MCTP1: variants seen among roughly 807,000 people sequenced by gnomAD.
MCTP1 encodes the protein multiple C2 and transmembrane domain-containing protein 1.
In MCTP1, 69 loss-of-function variants were observed where a neutral mutation model predicts 120.6. The ratio of observed to expected loss-of-function variants is 0.57; its 90% confidence interval spans 0.47 to 0.70. The LOEUF is 0.70. Among genes scored for constraint, MCTP1 ranks in the 30% least tolerant of loss-of-function variants. The pLI is 0.00. For synonymous variants in MCTP1, 529 were observed against 493.1 expected (o/e 1.07, Z -0.96); for missense variants, 1,203 against 1,248.8 (o/e 0.96, Z 0.55).
intron 19 of MCTP1, among the ~76,000 whole-genome samples, 163 bp from the exon 20 acceptor site, chr5:94,715,049 AAG>A (rs758806581): frequency 7.9e-5 from 12 of 152,116 alleles, no homozygotes; most frequent in Non-Finnish European, 1.6e-4. Flanking sequence ...GATTTAAAGG[AAG>A]ATGAGGAGGA....
chr5:94,971,379 G>A (rs1324491790), intron 2 of MCTP1, among the ~76,000 whole-genome samples: 1 of 151,644 alleles, frequency 6.6e-6, no homozygotes, highest in Non-Finnish European at 1.5e-5. Flanking sequence ...AAAAAAATGG[G>A]GCAGAGCATC....
intron 1 of MCTP1, among the ~76,000 whole-genome samples, chr5:95,188,864 T>C (rs1749524514): frequency 6.6e-6 from 1 of 152,136 alleles, no homozygotes; most frequent in African/African-American, 2.4e-5. Flanking sequence ...CATCAGTAGA[T>C]GATAACAATG....
chr5:94,791,596 T>C (rs905192208), intron 18 of MCTP1, among the ~76,000 whole-genome samples: 2 of 152,172 alleles, frequency 1.3e-5, no homozygotes, highest in Non-Finnish European at 1.5e-5. Flanking sequence ...TTTCCAGATA[T>C]GTTGCAGAAT....
At chr5:95,205,814 C>G (rs1751557392) in intron 1 of MCTP1, among the ~76,000 whole-genome samples, 1 of 152,078 alleles carries the variant, frequency 6.6e-6, no homozygotes, top group Non-Finnish European at 1.5e-5. Context: ...TAGGGAAATG[C>G]AAATCAAGAC....
chr5:95,018,185 C>T (rs985380280), intron 1 of MCTP1, among the ~76,000 whole-genome samples: 1 of 151,912 alleles, frequency 6.6e-6, no homozygotes, highest in African/African-American at 2.4e-5. Context: ...CATCGAATTA[C>T]AAGAGGAATA....
chr5:94,738,635 C>T (rs556812049), intron 19 of MCTP1, among the ~76,000 whole-genome samples: 2 of 152,288 alleles, frequency 1.3e-5, no homozygotes, highest in South Asian at 4.1e-4. Context: ...GTTGATTCAT[C>T]TCTCCCTGTT....
intron 1 of MCTP1, among the ~76,000 whole-genome samples, chr5:95,187,874 T>G (rs981671789): frequency 6.6e-6 from 1 of 152,166 alleles, no homozygotes; most frequent in Non-Finnish European, 1.5e-5. Context: ...AAGAGTATAA[T>G]TGGATTGCTT....
chr5:94,938,966 G>A (rs776040251), intron 5 of MCTP1, among the ~76,000 whole-genome samples: 1 of 152,058 alleles, frequency 6.6e-6, no homozygotes, highest in Admixed American at 6.6e-5. Context: ...ACCAAGCTAA[G>A]TTCTCACACT....
chr5:95,011,901 G>A (rs1335526826), intron 2 of MCTP1, among the ~76,000 whole-genome samples: 1 of 152,052 alleles, frequency 6.6e-6, no homozygotes, highest in Non-Finnish European at 1.5e-5. Flanking sequence ...TGCCATCAAT[G>A]TTTGGGCACT....
intron 1 of MCTP1, among the ~76,000 whole-genome samples, chr5:95,211,913 G>A (rs1582546605): frequency 6.6e-6 from 1 of 152,196 alleles, no homozygotes; most frequent in East Asian, 1.9e-4. Flanking sequence ...CTCAGCTGCA[G>A]GTCTGTTGGA....
Position 94,931,848 on chromosome 5 carries a change from G to C in MCTP1, c.1212+105C>G, listed in dbSNP as rs1013337877. On this transcript the variant is annotated intron_variant, in intron 6 of 22. Transcript: ENST00000515393. ...TATGGGGAAAAGTAACAATTGAATA[G>C]TATGAAATCTGGTAGCATACTTTGA... The C allele has an allele frequency of 3.8e-5, 33 of 858,594 alleles. No individual in the cohort carries two copies. The Admixed American group carries it at 7.3e-4, about 19-fold the overall frequency. 53.2% of individuals were successfully genotyped at this position (858,594 alleles called of 1,614,324 possible). A position where few individuals can be genotyped will look rare whatever the true frequency, so the allele number is the denominator to read the frequency against.
At chr5:95,197,711 T>A (rs1395481072) in intron 1 of MCTP1, among the ~76,000 whole-genome samples, 1 of 152,114 alleles carries the variant, frequency 6.6e-6, no homozygotes, top group Non-Finnish European at 1.5e-5. Flanking sequence ...TTTGTAGATA[T>A]CTCTCTATAT....
At chr5:94,852,974 A>T (rs1717111953) in intron 17 of MCTP1, among the ~76,000 whole-genome samples, 1 of 152,050 alleles carries the variant, frequency 6.6e-6, no homozygotes, top group African/African-American at 2.4e-5. Context: ...CAGATAACAA[A>T]TATATGACTC....
chr5:95,227,559 G>T (rs1003962643), intron 1 of MCTP1, among the ~76,000 whole-genome samples: 1 of 152,074 alleles, frequency 6.6e-6, no homozygotes, highest in Non-Finnish European at 1.5e-5. Flanking sequence ...TAGCTAAAAG[G>T]CAACTTTATA....
rs116125727 is a variant in MCTP1, at chr5:95,238,292, A to G, written c.720+45564T>C. On this transcript the variant is annotated intron_variant, in intron 1 of 22. Transcript: ENST00000515393. ...TCTTTGGATTGGTATATTATTATTA[A>G]TCATTAAATACGTGAATCTTTCAGT... Among the ~76,000 whole-genome samples the G allele has an allele frequency of 5.6e-3, 849 of 152,228 alleles. 2 individuals carry two copies. Among genetic ancestry groups the G allele is most frequent in the African/African-American group, 0.019 (797 of 41,532 alleles).
chr5:94,816,621 CT>C (rs755694851), intron 17 of MCTP1, among the ~76,000 whole-genome samples: 7 of 151,988 alleles, frequency 4.6e-5, no homozygotes, highest in Non-Finnish European at 1.0e-4. Context: ...CCTTTATCAA[CT>C]TCAATTATAT....
At position 95,017,502 on chromosome 5, in the gene MCTP1, T is replaced by C; in HGVS notation, c.721-18A>G. Reference sequence around the variant, plus strand: ...ATTATTTTCTGGAAAACACGAAATATAAAAAATATTAAATTTATTATCTCT... The same window carrying C: ...ATTATTTTCTGGAAAACACGAAATACAAAAAATATTAAATTTATTATCTCT... On this transcript the variant is annotated intron_variant, in intron 1 of 22. Coordinates refer to ENST00000515393, the MANE Select transcript of MCTP1 (RefSeq NM_024717.7). 2.0e-6 allele frequency: 3 copies of C among 1,484,730 alleles called. No homozygotes were observed. The highest frequency in any genetic ancestry group is 2.8e-6 in the Non-Finnish European group (3 of 1,080,778). 92.0% of individuals were successfully genotyped at this position (1,484,730 alleles called of 1,614,324 possible). A position where few individuals can be genotyped will look rare whatever the true frequency, so the allele number is the denominator to read the frequency against.
Position 94,953,848 on chromosome 5 carries a change from ACTAT to A in MCTP1, c.839-491_839-488del, listed in dbSNP as rs1821340338. On this transcript the variant is annotated intron_variant, in intron 2 of 22. Transcript: ENST00000515393. The stretch of plus-strand genomic sequence containing the variant: ...ATATATACATATATATATATACACA[ACTAT>A]ATATATGCATATATATACAAATATA... Among the ~76,000 whole-genome samples, 3 of 81,306 alleles carry A rather than the reference ACTAT, an allele frequency of 3.7e-5. 1 individual carries two copies. In the Admixed American group the frequency reaches 4.2e-4, roughly 11 times the overall value. 53.3% of individuals were successfully genotyped at this position (81,306 alleles called of 152,430 possible). A position where few individuals can be genotyped will look rare whatever the true frequency, so the allele number is the denominator to read the frequency against.
At chr5:95,017,303 G>A in intron 2 of MCTP1, 64 bp downstream of exon 2, 1 of 932,292 alleles carries the variant, frequency 1.1e-6, no homozygotes, top group Non-Finnish European at 1.6e-6. Context: ...CAATCACGTG[G>A]AAAACAAAGT....
Sources: gnomAD v4.1 joint callset for allele counts (sites outside exome capture counted in the v4.1 genomes callset) on GRCh38, gnomAD v4.1.1 for gene constraint, MANE v1.5 for transcripts, NCBI Gene and HGNC (gene_info 2026-07-23, HGNC 2026-07-21) for gene names.